The following KLB variants were observed in gnomAD, a reference collection of about 807,000 sequenced individuals.
The protein encoded by KLB is klotho beta.
Under a neutral mutation model 88.4 loss-of-function variants are expected in KLB, and 44 were observed. The ratio of observed to expected loss-of-function variants is 0.50; its 90% CI spans 0.39 to 0.64. KLB has a LOEUF of 0.64. Among genes scored for constraint, KLB ranks in the 30% least tolerant of loss-of-function variants. The pLI is 0.00. For missense variants in KLB, 1,137 were observed against 1,304.8 expected (o/e 0.87, Z 1.98); for synonymous variants, 548 against 513.4 (o/e 1.07, Z -0.91).
At chr4:39,439,594 C>T (rs552835812) in intron 3 of KLB, among the ~76,000 whole-genome samples, 47 of 151,904 alleles carry the variant, frequency 3.1e-4, no homozygotes, top group African/African-American at 1.1e-3. Context: ...CTAGTTCAAA[C>T]GATTCTCCTG....
chr4:39,446,542 GTCCT>G lies in KLB; in HGVS notation c.1820_1823del (p.Leu607ProfsTer8). On this transcript the variant is annotated frameshift_variant, in exon 4 of 5. Transcript: ENST00000257408. LOFTEE classifies it high-confidence loss of function. The surrounding 1 kb of genome is among the most constrained non-coding windows in gnomAD (Gnocchi z 6.4). ...CCGGTTTGCTCTGGATTGGGCCTCGGTCCTTCCCACTGGCAACCTGTCCGCGGTG... is the reference window on the plus strand; with the variant it reads ...CCGGTTTGCTCTGGATTGGGCCTCGGTCCCACTGGCAACCTGTCCGCGGTG... The G allele has an allele frequency of 6.2e-7, 1 of 1,614,202 alleles. No individual in the cohort carries two copies. The highest frequency in any genetic ancestry group is 2.2e-5 in the East Asian group (1 of 44,886).
In KLB at chr4:39,447,117, G is replaced by C; in HGVS notation, c.2391G>C (p.Gly797=). ...REYIASKHRR[G]LSSSALPRLT... Reference sequence around the variant, plus strand: ...ACATTGCCTCCAAGCACCGACGGGGGCTTTCCAGCTCGGCCCTGCCGCGCC... The same window carrying C: ...ACATTGCCTCCAAGCACCGACGGGGCCTTTCCAGCTCGGCCCTGCCGCGCC... The change falls in exon 4 of 5, where the codon GGG becomes GGC. Residue 797 remains glycine, a synonymous_variant. Transcript: ENST00000257408. The C allele has an allele frequency of 6.2e-7, 1 of 1,613,464 alleles. No individual in the cohort carries two copies. The highest frequency in any genetic ancestry group is 8.5e-7 in the Non-Finnish European group (1 of 1,180,016).
intron 1 of KLB, among the ~76,000 whole-genome samples, chr4:39,419,944 C>CAAAAA (rs34834552): frequency 2.4e-5 from 2 of 81,764 alleles, no homozygotes; most frequent in East Asian, 3.8e-4. Context: ...AACTTCATCT[C>CAAAAA]AAAAAAAAAA....
chr4:39,426,310 G>C (rs967878438), intron 1 of KLB, among the ~76,000 whole-genome samples: 1 of 149,904 alleles, frequency 6.7e-6, no homozygotes, highest in Non-Finnish European at 1.5e-5. Context: ...AGCTACTCAG[G>C]AGGCTGAGGC....
chr4:39,415,383 C>CT (rs1371547857), intron 1 of KLB, among the ~76,000 whole-genome samples: 1 of 152,000 alleles, frequency 6.6e-6, no homozygotes, highest in Non-Finnish European at 1.5e-5. Context: ...ATTCTCAACA[C>CT]TTTGGGAGGT....
chr4:39,409,555 C>T (rs561056462), intron 1 of KLB, among the ~76,000 whole-genome samples: 1 of 151,238 alleles, frequency 6.6e-6, no homozygotes, highest in South Asian at 2.1e-4. Context: ...TCCCAAAGTG[C>T]TGGGATTACA....
chr4:39,429,755 C>T (rs1743302862), intron 1 of KLB, among the ~76,000 whole-genome samples: 1 of 152,140 alleles, frequency 6.6e-6, no homozygotes. Flanking sequence ...TTTATGAGTG[C>T]CCAACCAAAG....
intron 1 of KLB, among the ~76,000 whole-genome samples, chr4:39,417,617 GAAGA>G (rs1189084325): frequency 1.3e-5 from 2 of 152,090 alleles, no homozygotes; most frequent in Non-Finnish European, 2.9e-5. Flanking sequence ...TTAAAAAAAA[GAAGA>G]AAGAATAAAG....
intron 2 of KLB, among the ~76,000 whole-genome samples, chr4:39,435,799 A>AT (rs1743460671): frequency 6.6e-6 from 1 of 152,264 alleles, no homozygotes; most frequent in African/African-American, 2.4e-5. Flanking sequence ...GTTTGAGAAC[A>AT]GAATCCTTTC....
chr4:39,430,317 G>C (rs975836780), intron 1 of KLB, among the ~76,000 whole-genome samples: 1 of 150,544 alleles, frequency 6.6e-6, no homozygotes, highest in Non-Finnish European at 1.5e-5. Flanking sequence ...ATAGCTCTAA[G>C]GCTACCAAGG....
At chr4:39,445,069 G>T (rs1483346053) in intron 3 of KLB, among the ~76,000 whole-genome samples, 2 of 152,074 alleles carry the variant, frequency 1.3e-5, no homozygotes, top group Non-Finnish European at 2.9e-5. Context: ...TTTCTTAAGG[G>T]CTTTGTTTTA....
chr4:39,423,058 C>G (rs2608845), intron 1 of KLB, among the ~76,000 whole-genome samples: 12,655 of 151,800 alleles, frequency 0.083, 839 homozygotes, highest in African/African-American at 0.12. Flanking sequence ...TGAGCCACCG[C>G]TCCCGGCCTC....
rs1743750086 is a variant in KLB at position 39,446,519 on chromosome 4, G to A, written c.1793G>A (p.Arg598Gln). ...MLARMKVTHY[R>Q]FALDWASVLP... ...GCAAGAATGAAAGTCACCCACTACC[G>A]GTTTGCTCTGGATTGGGCCTCGGTC... The change falls in exon 4 of 5, where the codon CGG (arginine) becomes CAG (glutamine). Residue 598 changes from arginine (R) to glutamine (Q), a missense_variant. Coordinates refer to ENST00000257408, the MANE Select transcript of KLB (RefSeq NM_175737.4). This position sits in a 1 kb window ranked among gnomAD's most constrained non-coding sequence, Gnocchi z 6.4. 6.2e-7 allele frequency: 1 copy of A among 1,614,210 alleles called. No individual in the cohort carries two copies. The highest frequency in any genetic ancestry group is 8.5e-7 in the Non-Finnish European group (1 of 1,180,036).
In KLB at chr4:39,445,676, G is replaced by GT. The variant is rs1297506631; in HGVS notation, c.1606-649dup. The stretch of plus-strand genomic sequence containing the variant: ...TGCGCCTCCACGCCTGGCTAATCTT[G>GT]TTTTTTTGTTTTTTTTTTTTTTTTT... On this transcript the variant is annotated intron_variant, in intron 3 of 4. Coordinates refer to ENST00000257408, the MANE Select transcript of KLB (RefSeq NM_175737.4). Among the ~76,000 whole-genome samples, 757 of 82,874 alleles carry GT rather than the reference G, an allele frequency of 9.1e-3. 13 individuals carry two copies. Among genetic ancestry groups the GT allele is most frequent in the African/African-American group, 0.023 (691 of 30,504 alleles). 54.4% of individuals were successfully genotyped at this position (82,874 alleles called of 152,430 possible). A position where few individuals can be genotyped will look rare whatever the true frequency, so the allele number is the denominator to read the frequency against.
At chr4:39,442,283 A>G (rs1403338947) in intron 3 of KLB, among the ~76,000 whole-genome samples, 2 of 152,038 alleles carry the variant, frequency 1.3e-5, no homozygotes, top group Non-Finnish European at 2.9e-5. Context: ...GCACATTTCT[A>G]TCTTATTTTC....
intron 1 of KLB, among the ~76,000 whole-genome samples, chr4:39,427,978 A>G (rs1578207316): frequency 6.6e-6 from 1 of 152,202 alleles, no homozygotes; most frequent in Non-Finnish European, 1.5e-5. Flanking sequence ...TATTTCCCGT[A>G]TAGTACCAGG....
Position 39,434,716 on chromosome 4 carries a change from T to G in KLB, c.1332T>G (p.Leu444=). ...TGAAGAATTTCCTCAGCCAGGTGCT[T>G]CAAGGTTGGTTGTACACTTGCTTAA... ...YMMKNFLSQV[L]QAIRLDEIRV... is the part of the protein sequence containing the mutation. Residue 444 remains leucine, a synonymous_variant, in exon 2 of 5, where the codon CTT becomes CTG. Coordinates refer to ENST00000257408, the MANE Select transcript of KLB (RefSeq NM_175737.4). 6.2e-7 allele frequency: 1 copy of G among 1,610,304 alleles called. No individual in the cohort carries two copies. The highest frequency in any genetic ancestry group is 8.5e-7 in the Non-Finnish European group (1 of 1,178,484).
chr4:39,448,241 C>T, intron 4 of KLB, 60 bp from the exon 5 acceptor site: 1 of 1,301,056 alleles, frequency 7.7e-7, no homozygotes, highest in Non-Finnish European at 1.1e-6. Context: ...AAACTAAATT[C>T]TTCCTCAAAG....
Position 39,449,939 on chromosome 4 carries a change from T to A in KLB, c.*1253T>A, listed in dbSNP as rs137896556. 4.6e-5 allele frequency: 7 copies of A among 151,278 alleles called. No individual in the cohort carries two copies. The highest frequency in any genetic ancestry group is 2.1e-4 in the South Asian group (1 of 4,782). The allele number at this position is 151,278 out of a possible 1,614,324, so 9.4% of individuals were successfully genotyped here. ...GACTGTCTCTCAAAATAAAAAAAAATAATAAAAATAAAAATAAAAGTAATT... is the reference window on the plus strand; with the variant it reads ...GACTGTCTCTCAAAATAAAAAAAAAAAATAAAAATAAAAATAAAAGTAATT... On this transcript the variant is annotated 3_prime_UTR_variant, in exon 5 of 5. Transcript: ENST00000257408.
Sources: allele counts gnomAD v4.1 joint callset (sites outside exome capture counted in the v4.1 genomes callset), GRCh38; gene constraint gnomAD v4.1.1; non-coding constraint Gnocchi (gnomAD v3.1); transcripts MANE v1.5; gene names NCBI Gene and HGNC (gene_info 2026-07-23, HGNC 2026-07-21).